Variants in TMPRSS15 observed in about 807,000 individuals in gnomAD.
TMPRSS15 encodes enteropeptidase.
Under a neutral mutation model 125.3 loss-of-function variants are expected in TMPRSS15, and 128 were observed. The ratio of observed to expected loss-of-function variants is 1.02; its 90% CI spans 0.89 to 1.18. TMPRSS15 has a LOEUF of 1.18. Ranked by LOEUF, TMPRSS15 falls within the 50% of genes most tolerant of loss-of-function variation. The probability of loss-of-function intolerance (pLI) is 0.00; values close to 1 mark genes in which losing one functional copy is unlikely to be tolerated. For missense variants in TMPRSS15, 1,283 were observed against 1,212.7 expected (o/e 1.06, Z -0.86); for synonymous variants, 446 against 423.2 (o/e 1.05, Z -0.66).
At chr21:18,311,836 C>G (rs1015502940) in intron 18 of TMPRSS15, among the ~76,000 whole-genome samples, 1 of 152,012 alleles carries the variant, frequency 6.6e-6, no homozygotes, top group Non-Finnish European at 1.5e-5. Context: ...TGGAATCAAC[C>G]TAAGAGAAAA....
intron 9 of TMPRSS15, 80 bp from the exon 10 acceptor site, chr21:18,353,132 T>G (rs1460465694): frequency 1.3e-5 from 17 of 1,281,910 alleles, no homozygotes; most frequent in Admixed American, 1.8e-5. Context: ...TTGAAAATAA[T>G]CTAACCTTAT....
rs1414440309 is a variant in TMPRSS15 at position 18,455,246 on chromosome 21, CT to C, written c.10+30552del. ...CTCTTTCCTTTATAAACTACCCTGT[CT>C]TGGGTATGTTTTTATTAGTAGCATG... On this transcript the variant is annotated intron_variant, in intron 1 of 7. Transcript: ENST00000422787. Among the ~76,000 whole-genome samples the C allele has an allele frequency of 3.9e-5, 6 of 152,154 alleles. No homozygotes were observed. The East Asian group carries it at 1.2e-3, about 29-fold the overall frequency.
chr21:18,445,987 G>T (rs1167630896), intron 1 of TMPRSS15, among the ~76,000 whole-genome samples: 1 of 152,094 alleles, frequency 6.6e-6, no homozygotes, highest in Non-Finnish European at 1.5e-5. Flanking sequence ...GAAATAAAGG[G>T]CATCCAAATT....
chr21:18,300,117 C>T (rs60553864), intron 18 of TMPRSS15, among the ~76,000 whole-genome samples: 2 of 7,366 alleles, frequency 2.7e-4, no homozygotes, highest in Non-Finnish European at 6.3e-4. Flanking sequence ...ATCTATAGCT[C>T]GTCTCTTGGA....
chr21:18,432,588 C>T (rs934960279), intron 1 of TMPRSS15, among the ~76,000 whole-genome samples: 17 of 152,008 alleles, frequency 1.1e-4, no homozygotes, highest in Non-Finnish European at 1.6e-4. Context: ...AAGAATGAAC[C>T]GTGAAATGGG....
At chr21:18,275,131 A>C in intron 24 of TMPRSS15, 66 bp downstream of exon 24, 2 of 1,562,460 alleles carry the variant, frequency 1.3e-6, no homozygotes, top group Non-Finnish European at 1.8e-6. Flanking sequence ...ATTATTGTTA[A>C]GCAATGAAAT....
chr21:18,377,941 A>C (rs1470918611), intron 5 of TMPRSS15, among the ~76,000 whole-genome samples: 1 of 152,064 alleles, frequency 6.6e-6, no homozygotes, highest in Admixed American at 6.6e-5. Flanking sequence ...AAAGGAGAAA[A>C]CCTTCTTTTA....
intron 19 of TMPRSS15, among the ~76,000 whole-genome samples, chr21:18,295,290 A>ATTTTAAACAATTTAGAATTAAACATTTT (rs2074891655): frequency 1.3e-5 from 2 of 152,242 alleles, no homozygotes; most frequent in Non-Finnish European, 2.9e-5. Flanking sequence ...TTTCAGTGTC[A>ATTTTAAACAATTTAGAATTAAACATTTT]AGAATTCCAT....
At chr21:18,325,554 C>T (rs548183742) in intron 16 of TMPRSS15, among the ~76,000 whole-genome samples, 137 of 152,000 alleles carry the variant, frequency 9.0e-4, no homozygotes, top group African/African-American at 2.9e-3. Flanking sequence ...ACTATCCAAC[C>T]CTACCTCTTT....
chr21:18,441,646 G>T (rs1240176215), intron 1 of TMPRSS15, among the ~76,000 whole-genome samples: 1 of 144,888 alleles, frequency 6.9e-6, no homozygotes, highest in Non-Finnish European at 1.5e-5. Flanking sequence ...AAAGAAGATT[G>T]TCAACTTTAG....
intron 21 of TMPRSS15, 61 bp downstream of exon 21, chr21:18,294,209 C>T (rs6517807): frequency 0.73 from 1,158,646 of 1,595,986 alleles, 421,161 homozygotes; most frequent in African/African-American, 0.74. Flanking sequence ...TGAAATGGGA[C>T]GCTTGGCAGT....
chr21:18,446,902 C>A (rs1392001491), intron 1 of TMPRSS15, among the ~76,000 whole-genome samples: 2 of 104,456 alleles, frequency 1.9e-5, no homozygotes, highest in Non-Finnish European at 4.1e-5. Context: ...TTATATAACC[C>A]CAAAAAACAT....
rs369957340 is a variant in TMPRSS15 at position 18,468,377 on chromosome 21, G to C, written c.10+17422C>G. Among the ~76,000 whole-genome samples, 65 of 152,084 alleles carry C rather than the reference G, an allele frequency of 4.3e-4. No individual in the cohort carries two copies. The East Asian group carries it at 8.1e-3, about 19-fold the overall frequency. On this transcript the variant is annotated intron_variant, in intron 1 of 7. Transcript: ENST00000422787. ...AGCCAATTCAGGTTGGTATAATATT[G>C]ATATACAATTGCAGGTTACTGAAGA...
intron 3 of TMPRSS15, among the ~76,000 whole-genome samples, chr21:18,393,512 A>G (rs1035624072): frequency 6.6e-6 from 1 of 152,070 alleles, no homozygotes; most frequent in African/African-American, 2.4e-5. Flanking sequence ...ACTAGAATGA[A>G]TTTTCTTTAG....
At chr21:18,434,445 A>C (rs1430284834) in intron 1 of TMPRSS15, among the ~76,000 whole-genome samples, 3 of 152,078 alleles carry the variant, frequency 2.0e-5, no homozygotes, top group Admixed American at 2.0e-4. Context: ...TTCAGTTTTA[A>C]GATGCTCTTT....
intron 16 of TMPRSS15, 48 bp downstream of exon 16, chr21:18,326,384 G>A: frequency 3.7e-6 from 6 of 1,613,162 alleles, no homozygotes; most frequent in Non-Finnish European, 5.1e-6. Flanking sequence ...CACCTTTGCT[G>A]TTTTGCTCCA....
intron 3 of TMPRSS15, among the ~76,000 whole-genome samples, chr21:18,391,637 G>C (rs1162083653): frequency 4.6e-5 from 7 of 152,188 alleles, no homozygotes; most frequent in Non-Finnish European, 1.0e-4. Flanking sequence ...AGTTTTTCCA[G>C]GCACACGGTG....
At chr21:18,417,150 TTTGGAGTATGTATAACC>T (rs1457136333) in intron 1 of TMPRSS15, among the ~76,000 whole-genome samples, 1 of 152,142 alleles carries the variant, frequency 6.6e-6, no homozygotes, top group African/African-American at 2.4e-5. Context: ...ATTTCAAGAT[TTTGGAGTATGTATAACC>T]TAATCATTAT....
At chr21:18,386,855 A>T (rs2075948440) in intron 3 of TMPRSS15, among the ~76,000 whole-genome samples, 1 of 152,216 alleles carries the variant, frequency 6.6e-6, no homozygotes, top group Admixed American at 6.5e-5. Flanking sequence ...TATTTGAGTT[A>T]CGGAGTAAAA....
Sources: gnomAD v4.1 joint callset for allele counts (sites outside exome capture counted in the v4.1 genomes callset) on GRCh38, gnomAD v4.1.1 for gene constraint, MANE v1.5 for transcripts, NCBI Gene and HGNC (gene_info 2026-07-23, HGNC 2026-07-21) for gene names.